Variants in WSCD2 observed in about 807,000 individuals in gnomAD.
The protein encoded by WSCD2 is WSC domain sialate O sulfotransferase 2.
WSCD2 carries 28 observed loss-of-function variants against 55.7 expected under a neutral mutation model. The observed-to-expected ratio is 0.50, with a 90% CI of 0.37 to 0.69. The LOEUF is 0.69. Ranked by LOEUF, WSCD2 falls within the 30% of genes least tolerant of loss-of-function variation. The pLI is 0.00. For synonymous variants in WSCD2, 301 were observed against 301.9 expected (o/e 1.00, Z 0.03); for missense variants, 616 against 762.1 (o/e 0.81, Z 2.26).
chr12:108,185,749 G>T (rs1882400307), intron 1 of WSCD2, among the ~76,000 whole-genome samples: 1 of 151,948 alleles, frequency 6.6e-6, no homozygotes, highest in Admixed American at 6.6e-5. Flanking sequence ...ATTCCCTGTA[G>T]GTCTGCCTCT....
Position 108,162,536 on chromosome 12 carries a change from T to C in WSCD2, c.-552+32610T>C, listed in dbSNP as rs146777453. 1.5e-4 allele frequency among the ~76,000 whole-genome samples: 23 copies of C among 152,358 alleles called. No homozygotes were observed. In the East Asian group the frequency reaches 3.5e-3, roughly 23 times the overall value. ...CTTCTGGGGGAAAGAAAAAAATCTA[T>C]TTCTTTCTGCATCTTGGCATCTATT... On this transcript the variant is annotated intron_variant, in intron 1 of 8. Transcript: ENST00000547525.
At chr12:108,160,044 A>G (rs763534342) in intron 1 of WSCD2, among the ~76,000 whole-genome samples, 11 of 152,206 alleles carry the variant, frequency 7.2e-5, no homozygotes, top group Non-Finnish European at 1.3e-4. Flanking sequence ...CATTCGTTAC[A>G]GCTTCATAGT....
chr12:108,203,782 C>T (rs1261634084), intron 2 of WSCD2, among the ~76,000 whole-genome samples: 1 of 152,260 alleles, frequency 6.6e-6, no homozygotes, highest in African/African-American at 2.4e-5. Flanking sequence ...AAAGTCCTAT[C>T]ACATCCAACT....
chr12:108,166,746 T>TTC (rs1879653229), intron 1 of WSCD2, among the ~76,000 whole-genome samples: 3 of 46,746 alleles, frequency 6.4e-5, no homozygotes, highest in African/African-American at 1.0e-4. Context: ...CTTTCTTTCC[T>TTC]TCTTTCTTTC....
intron 1 of WSCD2, among the ~76,000 whole-genome samples, chr12:108,175,331 T>G (rs1160003671): frequency 6.6e-6 from 1 of 152,146 alleles, no homozygotes; most frequent in Non-Finnish European, 1.5e-5. Context: ...AGCACTTCTG[T>G]GGCCTCTGCA....
intron 1 of WSCD2, among the ~76,000 whole-genome samples, chr12:108,161,389 T>C (rs1040813052): frequency 7.2e-5 from 11 of 152,160 alleles, no homozygotes; most frequent in Non-Finnish European, 1.3e-4. Context: ...CCTAATCCAA[T>C]GTGACTGGTG....
At position 108,195,678 on chromosome 12, in the gene WSCD2, C is replaced by G. The variant is rs2137047755; in HGVS notation, c.-155C>G. Reference sequence around the variant, plus strand: ...TCAGCCAAGCATTGAACTTGCCCTCCCCTTCTGGCCTTGGTGATCACTTTT... The same window carrying G: ...TCAGCCAAGCATTGAACTTGCCCTCGCCTTCTGGCCTTGGTGATCACTTTT... On this transcript the variant is annotated 5_prime_UTR_variant, in exon 2 of 9. Coordinates refer to ENST00000547525, the MANE Select transcript of WSCD2 (RefSeq NM_014653.4). The G allele has an allele frequency of 9.3e-7, 1 of 1,070,370 alleles. No homozygotes were observed. The highest frequency in any genetic ancestry group is 1.6e-5 in the African/African-American group (1 of 62,468). The allele number at this position is 1,070,370 out of a possible 1,614,324, so 66.3% of individuals were successfully genotyped here. A position where few individuals can be genotyped will look rare whatever the true frequency, so the allele number is the denominator to read the frequency against.
At chr12:108,130,311 G>A (rs1454829383) in intron 1 of WSCD2, among the ~76,000 whole-genome samples, 1 of 152,212 alleles carries the variant, frequency 6.6e-6, no homozygotes, top group Non-Finnish European at 1.5e-5. Flanking sequence ...AGAGTTCCAA[G>A]GGAGAGGGAG....
chr12:108,247,752 T>C (rs1890186297), intron 8 of WSCD2, among the ~76,000 whole-genome samples: 1 of 152,214 alleles, frequency 6.6e-6, no homozygotes, highest in African/African-American at 2.4e-5. Context: ...AGACAGGGTC[T>C]TGCTATGTTG....
chr12:108,216,624 G>C (rs950659811), intron 4 of WSCD2, among the ~76,000 whole-genome samples: 1 of 152,214 alleles, frequency 6.6e-6, no homozygotes, highest in Non-Finnish European at 1.5e-5. Flanking sequence ...ACCCATAGGG[G>C]ACTAGAAAGG....
At chr12:108,247,922 C>CA in intron 8 of WSCD2, 69 bp from the exon 9 acceptor site, 1 of 1,515,106 alleles carries the variant, frequency 6.6e-7, no homozygotes, top group Non-Finnish European at 9.0e-7. Flanking sequence ...TAACCACTGC[C>CA]AGCACCATCT....
chr12:108,218,084 C>T (rs1887060577), intron 4 of WSCD2, among the ~76,000 whole-genome samples: 1 of 152,184 alleles, frequency 6.6e-6, no homozygotes, highest in Non-Finnish European at 1.5e-5. Flanking sequence ...TTTGACTGCC[C>T]CCTCTCTAGT....
Position 108,224,796 on chromosome 12 carries a change from T to C in WSCD2, c.740T>C (p.Leu247Ser), listed in dbSNP as rs759385887. The change falls in exon 5 of 9, where the codon TTA becomes TCA. Residue 247 changes from leucine to serine, a missense_variant. Coordinates refer to ENST00000547525, the MANE Select transcript of WSCD2 (RefSeq NM_014653.4). ...AGGCCCGACAACCTTTCCCTGGCCT[T>C]ACCCGTGACAGCTGCCATGCTGAAC... ...FRRPDNLSLA[L>S]PVTAAMLNMS... The C allele has an allele frequency of 4.3e-6, 7 of 1,613,732 alleles. No homozygotes were observed. The South Asian group carries it at 7.7e-5, about 18-fold the overall frequency.
rs77961838 is a variant in WSCD2 at position 108,229,724 on chromosome 12, T to C, written c.979+2560T>C. On this transcript the variant is annotated intron_variant, in intron 6 of 8. Coordinates refer to ENST00000547525, the MANE Select transcript of WSCD2 (RefSeq NM_014653.4). ...GCTTAGGAACCAAATCAACTTTCTTTATAGCATTGAAAACCACAACTTTTA... is the reference window on the plus strand; with the variant it reads ...GCTTAGGAACCAAATCAACTTTCTTCATAGCATTGAAAACCACAACTTTTA... 3.9e-5 allele frequency among the ~76,000 whole-genome samples: 6 copies of C among 152,268 alleles called. No homozygotes were observed. In the East Asian group the frequency reaches 1.2e-3, roughly 29 times the overall value.
intron 3 of WSCD2, among the ~76,000 whole-genome samples, chr12:108,209,876 T>C (rs571997233): frequency 6.6e-6 from 1 of 152,024 alleles, no homozygotes; most frequent in African/African-American, 2.4e-5. Context: ...TTATTTGGTG[T>C]CCCCCTGTCT....
At chr12:108,242,210 C>T (rs1889802820) in intron 8 of WSCD2, among the ~76,000 whole-genome samples, 2 of 152,220 alleles carry the variant, frequency 1.3e-5, no homozygotes, top group Admixed American at 1.3e-4. Context: ...TGATTAAAAC[C>T]CTTGGGCCTG....
chr12:108,152,111 A>G (rs1878067737), intron 1 of WSCD2, among the ~76,000 whole-genome samples: 2 of 152,220 alleles, frequency 1.3e-5, no homozygotes, highest in East Asian at 3.9e-4. Flanking sequence ...GGAAACGCTC[A>G]GAGGAAACCC....
intron 1 of WSCD2, among the ~76,000 whole-genome samples, chr12:108,139,653 G>C (rs776076652): frequency 6.6e-6 from 1 of 152,136 alleles, no homozygotes; most frequent in Non-Finnish European, 1.5e-5. Flanking sequence ...TAATAATAAT[G>C]CATTCTCCAA....
chr12:108,133,851 A>G (rs1312372109), intron 1 of WSCD2, among the ~76,000 whole-genome samples: 1 of 152,234 alleles, frequency 6.6e-6, no homozygotes, highest in Non-Finnish European at 1.5e-5. Context: ...GCACAGGTAT[A>G]ATTTTAGGCA....
Sources: gnomAD v4.1 joint callset for allele counts (sites outside exome capture counted in the v4.1 genomes callset) on GRCh38, gnomAD v4.1.1 for gene constraint, MANE v1.5 for transcripts, NCBI Gene and HGNC (gene_info 2026-07-23, HGNC 2026-07-21) for gene names.